Variants in ZNF723 observed in about 807,000 individuals in gnomAD.
ZNF723 encodes zinc finger protein 723, also known as zinc finger protein 723, pseudogene.
In ZNF723, 5 loss-of-function variants were observed where a neutral mutation model predicts 9.4. The observed-to-expected ratio is 0.53, with a 90% CI of 0.28 to 1.12. The LOEUF is 1.12. ZNF723 is among the 50% of genes most tolerant of loss of function. ZNF723 has a pLI of 0.10. For missense variants in ZNF723, 450 were observed against 501.5 expected (o/e 0.90, Z 0.98); for synonymous variants, 158 against 168.8 (o/e 0.94, Z 0.49).
the ZNF723 span, among the ~76,000 whole-genome samples, chr19:22,821,605 T>C: frequency 6.6e-6 from 1 of 152,172 alleles, no homozygotes; most frequent in Non-Finnish European, 1.5e-5. Flanking sequence ...GTATTTTTGG[T>C]CCAGCATTCA....
chr19:22,829,731 AG>A (rs36056536), upstream of ZNF723, among the ~76,000 whole-genome samples: 28,765 of 152,144 alleles, frequency 0.19, 3,174 homozygotes, highest in African/African-American at 0.3. Flanking sequence ...TTTTTTTGAT[AG>A]GTTTTTTTTC....
the ZNF723 span, among the ~76,000 whole-genome samples, chr19:22,817,251 C>A: frequency 3.0e-4 from 46 of 152,316 alleles, no homozygotes; most frequent in East Asian, 8.3e-3. Context: ...TGAAATATCA[C>A]TGGACCCGGC....
chr19:22,834,031 T>C (rs1967133655), intron 1 of ZNF723, among the ~76,000 whole-genome samples: 1 of 143,022 alleles, frequency 7.0e-6, no homozygotes, highest in Non-Finnish European at 1.5e-5. Context: ...TTTTCCTGCC[T>C]CAGCCTCCTA....
chr19:22,822,086 G>A, the ZNF723 span, among the ~76,000 whole-genome samples: 29 of 152,272 alleles, frequency 1.9e-4, no homozygotes, highest in Admixed American at 1.4e-3. Flanking sequence ...CTCCAGTCTG[G>A]GTGACAAGAG....
chr19:22,832,285 C>A, upstream of ZNF723: 1 of 1,216,698 alleles, frequency 8.2e-7, no homozygotes, highest in South Asian at 1.3e-5. Flanking sequence ...CGGGATTTGG[C>A]GCGGCCTTTT....
At chr19:22,848,191 T>G in intron 1 of ZNF723, 70 bp from the exon 2 acceptor site, 1 of 583,124 alleles carries the variant, frequency 1.7e-6, no homozygotes, top group Non-Finnish European at 3.0e-6. Context: ...TCACCTTCAG[T>G]CAAATTAAAA....
chr19:22,833,294 A>G (rs1967120966), intron 1 of ZNF723, among the ~76,000 whole-genome samples: 1 of 151,920 alleles, frequency 6.6e-6, no homozygotes. Context: ...CTGGGATTAC[A>G]GGCGCCTGCC....
intron 3 of ZNF723, among the ~76,000 whole-genome samples, chr19:22,854,656 CAT>C (rs1340299745): frequency 3.9e-5 from 6 of 151,920 alleles, no homozygotes; most frequent in African/African-American, 1.5e-4. Flanking sequence ...TTCATCTAAA[CAT>C]ATATTCTTTG....
intron 1 of ZNF723, among the ~76,000 whole-genome samples, chr19:22,847,723 T>C (rs113716701): frequency 1.1e-4 from 17 of 152,318 alleles, no homozygotes; most frequent in African/African-American, 3.4e-4. Flanking sequence ...TCCAGAAAAG[T>C]ATCATATATA....
At chr19:22,824,882 G>C in the ZNF723 span, among the ~76,000 whole-genome samples, 1 of 152,150 alleles carries the variant, frequency 6.6e-6, no homozygotes, top group Non-Finnish European at 1.5e-5. Flanking sequence ...CAGCAAATTA[G>C]AGAGAGGTTG....
At chr19:22,813,567 C>G in the ZNF723 span, among the ~76,000 whole-genome samples, 54,559 of 151,642 alleles carry the variant, frequency 0.36, 10,246 homozygotes, top group African/African-American at 0.5. Context: ...GCTCACATGG[C>G]CCATTTCTAC....
At chr19:22,823,755 C>T in the ZNF723 span, among the ~76,000 whole-genome samples, 1 of 152,224 alleles carries the variant, frequency 6.6e-6, no homozygotes, top group Admixed American at 6.5e-5. Flanking sequence ...TCTGCCTGAA[C>T]CTGTCACTTA....
At chr19:22,817,317 T>A in the ZNF723 span, among the ~76,000 whole-genome samples, 1 of 152,202 alleles carries the variant, frequency 6.6e-6, no homozygotes. Context: ...TTGGGTATTG[T>A]GACATATCAC....
chr19:22,856,424 C>A (rs534775404), intron 3 of ZNF723, among the ~76,000 whole-genome samples: 2 of 152,136 alleles, frequency 1.3e-5, no homozygotes, highest in African/African-American at 4.8e-5. Context: ...TTAAAATCTA[C>A]CTGTTACATA....
chr19:22,813,956 C>T, the ZNF723 span, among the ~76,000 whole-genome samples: 204 of 151,842 alleles, frequency 1.3e-3, 2 homozygotes, highest in Non-Finnish European at 2.5e-3. Flanking sequence ...GGACTACAGG[C>T]GTGTGCCACC....
chr19:22,815,829 A>G, the ZNF723 span, among the ~76,000 whole-genome samples: 1 of 152,308 alleles, frequency 6.6e-6, no homozygotes, highest in South Asian at 2.1e-4. Context: ...GGCACAATAA[A>G]AGTGAGATTG....
the ZNF723 span, among the ~76,000 whole-genome samples, chr19:22,819,174 T>A: frequency 6.6e-6 from 1 of 152,212 alleles, no homozygotes; most frequent in Non-Finnish European, 1.5e-5. Flanking sequence ...TATTGCTGAG[T>A]CCAGCACCAA....
chr19:22,837,504 A>G (rs1326363535), intron 1 of ZNF723, among the ~76,000 whole-genome samples: 1 of 152,110 alleles, frequency 6.6e-6, no homozygotes, highest in Non-Finnish European at 1.5e-5. Flanking sequence ...ATTTGGTGCC[A>G]GAAAAAATAT....
chr19:22,846,623 A>T (rs574388149), intron 1 of ZNF723, among the ~76,000 whole-genome samples: 31 of 152,230 alleles, frequency 2.0e-4, no homozygotes, highest in African/African-American at 7.0e-4. Context: ...ACTCTGTCTC[A>T]AGAAAAAATG....
Sources: allele counts gnomAD v4.1 joint callset (sites outside exome capture counted in the v4.1 genomes callset), GRCh38; gene constraint gnomAD v4.1.1; transcripts MANE v1.5; gene names NCBI Gene and HGNC (gene_info 2026-07-23, HGNC 2026-07-21).